PTPN3: variants seen among roughly 807,000 people sequenced by gnomAD.
PTPN3 encodes tyrosine-protein phosphatase non-receptor type 3.
In PTPN3, 96 loss-of-function variants were observed where a neutral mutation model predicts 132.7. The ratio of observed to expected loss-of-function variants is 0.72; its 90% CI spans 0.61 to 0.86. The LOEUF (loss-of-function observed/expected upper bound fraction) is 0.86, where lower values mean the gene tolerates loss of function less well. Among genes scored for constraint, PTPN3 ranks in the 40% least tolerant of loss-of-function variants. The pLI, the probability that PTPN3 is intolerant of heterozygous loss-of-function variation, is 0.00. For missense variants in PTPN3, 1,125 were observed against 1,159.6 expected, an observed-to-expected ratio of 0.97 and a Z score of 0.43; for synonymous variants, 398 against 429.0, an observed-to-expected ratio of 0.93 and a Z score of 0.89.
intron 14 of PTPN3, chr9:109,417,590 T>C (rs1268501599): frequency 5.1e-6 from 5 of 984,808 alleles, no homozygotes; most frequent in Non-Finnish European, 6.0e-6. Flanking sequence ...ACTTCTTACC[T>C]GGAGCAATGG....
the PTPN3 span, among the ~76,000 whole-genome samples, chr9:109,529,033 A>G: frequency 6.6e-6 from 1 of 152,132 alleles, no homozygotes; most frequent in Admixed American, 6.6e-5. Context: ...AGTGCCTCCC[A>G]TCATCGTGGG....
chr9:109,443,103 T>A (rs1588435793), intron 7 of PTPN3, among the ~76,000 whole-genome samples: 1 of 141,102 alleles, frequency 7.1e-6, no homozygotes, highest in African/African-American at 2.7e-5. Flanking sequence ...TGAGACAGGG[T>A]ATCACTCTGT....
chr9:109,526,464 G>A, the PTPN3 span, among the ~76,000 whole-genome samples: 291 of 152,024 alleles, frequency 1.9e-3, 2 homozygotes, highest in African/African-American at 6.4e-3. Flanking sequence ...CTTGAGCCCC[G>A]GAGTTTGAGA....
chr9:109,398,349 T>C (rs1840767275), intron 19 of PTPN3, among the ~76,000 whole-genome samples: 1 of 152,220 alleles, frequency 6.6e-6, no homozygotes, highest in South Asian at 2.1e-4. Context: ...TTTAAACCTC[T>C]TATAAAGTTT....
rs1038534117 is a variant in PTPN3 at position 109,421,846 on chromosome 9, C to T, written c.1136+872G>A. Among the ~76,000 whole-genome samples, 3 of 152,224 alleles carry T rather than the reference C, an allele frequency of 2.0e-5. No homozygotes were observed. The East Asian group carries it at 5.8e-4, about 29-fold the overall frequency. ...TGCCTGTCTCCCAGTTTCTCTTAGG[C>T]TTAGCAGATCCTGGATCAGGTATTT... is the stretch of plus-strand genomic sequence containing the variant. On this transcript the variant is annotated intron_variant, in intron 13 of 25. Transcript: ENST00000374541.
chr9:109,509,863 A>G, the PTPN3 span, among the ~76,000 whole-genome samples: 2 of 151,950 alleles, frequency 1.3e-5, no homozygotes, highest in African/African-American at 2.4e-5. Flanking sequence ...AAAAAAAAAA[A>G]GGGCAGTTTT....
the PTPN3 span, among the ~76,000 whole-genome samples, chr9:109,537,598 G>C: frequency 1.3e-5 from 2 of 152,068 alleles, no homozygotes; most frequent in African/African-American, 4.8e-5. Context: ...TTTCTTTCTA[G>C]TTCTTTACTT....
At chr9:109,515,392 A>G in the PTPN3 span, among the ~76,000 whole-genome samples, 1 of 152,108 alleles carries the variant, frequency 6.6e-6, no homozygotes, top group Non-Finnish European at 1.5e-5. Context: ...GCTGCTCCAG[A>G]GGTACTGGGC....
intron 19 of PTPN3, among the ~76,000 whole-genome samples, chr9:109,399,066 T>C (rs1363468056): frequency 6.6e-6 from 1 of 152,194 alleles, no homozygotes; most frequent in Non-Finnish European, 1.5e-5. Flanking sequence ...ATGTAGGTCA[T>C]ACAGTGTGGC....
At chr9:109,510,576 A>AATATATATATAT in the PTPN3 span, among the ~76,000 whole-genome samples, 1 of 47,322 alleles carries the variant, frequency 2.1e-5, no homozygotes, top group African/African-American at 7.5e-5. Flanking sequence ...AAAAAAAAAA[A>AATATATATATAT]ATATATATAT....
At chr9:109,413,294 C>G (rs921165211) in intron 14 of PTPN3, among the ~76,000 whole-genome samples, 1 of 152,134 alleles carries the variant, frequency 6.6e-6, no homozygotes, top group Non-Finnish European at 1.5e-5. Context: ...AGGGGTTACT[C>G]TTAGTCATTT....
intron 5 of PTPN3, chr9:109,449,580 C>G: frequency 2.0e-6 from 2 of 985,450 alleles, no homozygotes; most frequent in Non-Finnish European, 2.4e-6. Context: ...GGAAAGGAGG[C>G]CTTCGGCAGC....
the PTPN3 span, among the ~76,000 whole-genome samples, chr9:109,516,187 T>G: frequency 1.3e-5 from 2 of 152,168 alleles, no homozygotes; most frequent in African/African-American, 4.8e-5. Context: ...ACCAACCCAC[T>G]CATTCACTCG....
chr9:109,444,218 T>C (rs1844691623), intron 7 of PTPN3, among the ~76,000 whole-genome samples: 1 of 152,174 alleles, frequency 6.6e-6, no homozygotes, highest in East Asian at 1.9e-4. Flanking sequence ...TGCAAATGGC[T>C]CTACCTGAGT....
the PTPN3 span, among the ~76,000 whole-genome samples, chr9:109,526,525 A>C: frequency 6.6e-6 from 1 of 152,010 alleles, no homozygotes; most frequent in Non-Finnish European, 1.5e-5. Flanking sequence ...AAGTCAAAAA[A>C]TTAGCCGACC....
chr9:109,436,342 A>C (rs553956113), intron 9 of PTPN3, among the ~76,000 whole-genome samples: 19 of 152,360 alleles, frequency 1.2e-4, no homozygotes, highest in Middle Eastern at 3.4e-3. Context: ...TATGGAACTC[A>C]TGGTATTACC....
intron 1 of PTPN3, among the ~76,000 whole-genome samples, chr9:109,488,303 T>C (rs961011034): frequency 1.3e-5 from 2 of 151,884 alleles, no homozygotes; most frequent in African/African-American, 4.8e-5. Context: ...TTTTGCCACG[T>C]TGGCCAGTCT....
At chr9:109,520,430 A>AG in the PTPN3 span, among the ~76,000 whole-genome samples, 1 of 152,242 alleles carries the variant, frequency 6.6e-6, no homozygotes, top group Non-Finnish European at 1.5e-5. Context: ...AAAAAAGAAT[A>AG]GTGCTTCTAG....
intron 14 of PTPN3, among the ~76,000 whole-genome samples, chr9:109,414,609 C>T (rs1187152088): frequency 6.6e-6 from 1 of 152,228 alleles, no homozygotes; most frequent in Non-Finnish European, 1.5e-5. Context: ...GCCAAGGGCA[C>T]AAGATCAAAG....
Sources: allele counts gnomAD v4.1 joint callset (sites outside exome capture counted in the v4.1 genomes callset), GRCh38; gene constraint gnomAD v4.1.1; transcripts MANE v1.5; gene names NCBI Gene and HGNC (gene_info 2026-07-23, HGNC 2026-07-21).